Variants in FYN observed in about 807,000 individuals in gnomAD.
FYN encodes the protein FYN proto-oncogene, Src family tyrosine kinase, also known as tyrosine-protein kinase Fyn.
A neutral mutation model predicts 70.2 loss-of-function variants in FYN; 10 were observed. That is an observed-to-expected ratio of 0.14 (90% CI 0.09 to 0.24). The LOEUF is 0.24. Among genes scored for constraint, FYN ranks in the 10% least tolerant of loss-of-function variants. The pLI, the probability that FYN is intolerant of heterozygous loss-of-function variation, is 1.00. For missense variants in FYN, 319 were observed against 673.1 expected (o/e 0.47, Z 5.82); for synonymous variants, 236 against 248.6 (o/e 0.95, Z 0.48).
chr6:111,817,797 G>A (rs1772536949), intron 2 of FYN, among the ~76,000 whole-genome samples: 1 of 152,216 alleles, frequency 6.6e-6, no homozygotes, highest in Non-Finnish European at 1.5e-5. Context: ...GGTAATTATT[G>A]TTTTCAATCC....
At chr6:111,823,577 A>G (rs1450389533) in intron 2 of FYN, among the ~76,000 whole-genome samples, 4 of 152,186 alleles carry the variant, frequency 2.6e-5, no homozygotes, top group Non-Finnish European at 5.9e-5. Flanking sequence ...GATCTAAGGG[A>G]TAAAAATCAT....
intron 3 of FYN, among the ~76,000 whole-genome samples, chr6:111,734,657 TGAAGTTA>T (rs57829337): frequency 0.14 from 20,882 of 151,852 alleles, 2,932 homozygotes; most frequent in African/African-American, 0.36. Flanking sequence ...CTGCTGGAGA[TGAAGTTA>T]GAAGAAAACA....
chr6:111,801,164 C>T (rs1290396943), intron 2 of FYN, among the ~76,000 whole-genome samples: 4 of 152,122 alleles, frequency 2.6e-5, no homozygotes. Context: ...CTGTGTGCAC[C>T]GCTGGCGATG....
At chr6:111,796,481 G>A (rs920421003) in intron 2 of FYN, among the ~76,000 whole-genome samples, 3 of 152,196 alleles carry the variant, frequency 2.0e-5, no homozygotes, top group Non-Finnish European at 4.4e-5. Flanking sequence ...CTAGGTTTGT[G>A]TAAGTGTACT....
At chr6:111,839,180 C>G (rs996240967) in intron 2 of FYN, among the ~76,000 whole-genome samples, 29 of 152,128 alleles carry the variant, frequency 1.9e-4, no homozygotes, top group Admixed American at 1.9e-3. Flanking sequence ...GAAGAGTTTC[C>G]TCTGTACTAT....
At chr6:111,665,908 C>T (rs1704595262) in intron 13 of FYN, among the ~76,000 whole-genome samples, 1 of 152,014 alleles carries the variant, frequency 6.6e-6, no homozygotes, top group East Asian at 1.9e-4. Flanking sequence ...CAGGTGTGAG[C>T]CACCATGCCC....
At chr6:111,838,895 G>C (rs1235095422) in intron 2 of FYN, among the ~76,000 whole-genome samples, 1 of 152,092 alleles carries the variant, frequency 6.6e-6, no homozygotes, top group Non-Finnish European at 1.5e-5. Context: ...ACTCTGGGTG[G>C]GTATGGCTTT....
intron 8 of FYN, 43 bp downstream of exon 8, chr6:111,702,842 T>C: frequency 6.2e-7 from 1 of 1,600,072 alleles, no homozygotes; most frequent in Non-Finnish European, 8.5e-7. Flanking sequence ...ATCCACTCCC[T>C]CCAGCATCCA....
In FYN at chr6:111,848,526, T is replaced by C. The variant is rs537517137; in HGVS notation, c.-122-1897A>G. ...TACATATATACGGCATCATCCAATT[T>C]CTTTTTCAGGCTTACGAAACAGATG... On this transcript the variant is annotated intron_variant, in intron 1 of 13. Transcript: ENST00000354650. Among the ~76,000 whole-genome samples the C allele has an allele frequency of 2.0e-5, 3 of 152,330 alleles. No individual in the cohort carries two copies. The East Asian group carries it at 5.8e-4, about 29-fold the overall frequency.
In FYN at chr6:111,808,732, C is replaced by T. The variant is rs190660158; in HGVS notation, c.-81-28097G>A. Among the ~76,000 whole-genome samples, 16 of 152,298 alleles carry T rather than the reference C, an allele frequency of 1.1e-4. No homozygotes were observed. In the East Asian group the frequency reaches 1.9e-3, roughly 18 times the overall value. On this transcript the variant is annotated intron_variant, in intron 2 of 13. Transcript: ENST00000354650. ...ACCAGGGAGTGTCAAACCCTCACCA[C>T]CATCATCACACAGGACAGCAGCTAA...
At chr6:111,709,073 G>C (rs1800244049) in intron 5 of FYN, 1 of 152,092 alleles carries the variant, frequency 6.6e-6, no homozygotes, top group African/African-American at 2.4e-5. Flanking sequence ...TGCAGTCAAC[G>C]ACATGATTGC....
intron 4 of FYN, among the ~76,000 whole-genome samples, chr6:111,719,245 G>C (rs1359241617): frequency 6.6e-6 from 1 of 150,598 alleles, no homozygotes; most frequent in African/African-American, 2.4e-5. Flanking sequence ...CAAAGTATTA[G>C]CTAAGTCAGC....
At chr6:111,713,073 A>C (rs530874872) in intron 5 of FYN, among the ~76,000 whole-genome samples, 1 of 152,274 alleles carries the variant, frequency 6.6e-6, no homozygotes, top group South Asian at 2.1e-4. Context: ...TATATGTTTG[A>C]AAACCCTGTG....
intron 1 of FYN, among the ~76,000 whole-genome samples, chr6:111,847,720 C>T (rs1046360694): frequency 1.3e-5 from 2 of 152,118 alleles, no homozygotes; most frequent in Non-Finnish European, 2.9e-5. Flanking sequence ...TTAACAGTAA[C>T]ATCTTTGTTT....
rs1318071540 is a variant in FYN, at chr6:111,714,334, T to G, written c.344+13A>C. 1 of 1,585,460 alleles carries G rather than the reference T, an allele frequency of 6.3e-7. No individual in the cohort carries two copies. The highest frequency in any genetic ancestry group is 1.7e-5 in the Admixed American group (1 of 59,992). ...GAAAGGTATACATGCTTCTCCTCCCTCTCCAAACTTACGAGCTGTTCAATA... is the reference window on the plus strand; with the variant it reads ...GAAAGGTATACATGCTTCTCCTCCCGCTCCAAACTTACGAGCTGTTCAATA... On this transcript the variant is annotated intron_variant, in intron 5 of 13. Transcript: ENST00000354650.
chr6:111,674,836 C>A (rs947883365), intron 12 of FYN, among the ~76,000 whole-genome samples: 1 of 152,076 alleles, frequency 6.6e-6, no homozygotes, highest in African/African-American at 2.4e-5. Flanking sequence ...CAGCTCAAAG[C>A]ACCTTAGTAC....
chr6:111,698,063 T>C (rs181810272), intron 9 of FYN, among the ~76,000 whole-genome samples: 87 of 152,358 alleles, frequency 5.7e-4, no homozygotes, highest in African/African-American at 2.0e-3. Flanking sequence ...CATACCTACA[T>C]ACATCTTTGT....
At position 111,720,059 on chromosome 6, in the gene FYN, A is replaced by C; in HGVS notation, c.-8T>G. ...ACATTGCACACAGCCCATTATCTAA[A>C]TTCCTGCCAAAGACAAAAAAGGGGG... On this transcript the variant is annotated 5_prime_UTR_variant, in exon 4 of 14. Transcript: ENST00000354650. 6.3e-7 allele frequency: 1 copy of C among 1,580,494 alleles called. No homozygotes were observed. The highest frequency in any genetic ancestry group is 8.6e-7 in the Non-Finnish European group (1 of 1,158,216).
intron 9 of FYN, among the ~76,000 whole-genome samples, chr6:111,697,481 T>C (rs1325072695): frequency 6.6e-6 from 1 of 152,230 alleles, no homozygotes; most frequent in Admixed American, 6.5e-5. Context: ...ATTCTGTAAA[T>C]TGGAGTTCTT....
Sources: allele counts gnomAD v4.1 joint callset (sites outside exome capture counted in the v4.1 genomes callset), GRCh38; gene constraint gnomAD v4.1.1; transcripts MANE v1.5; gene names NCBI Gene and HGNC (gene_info 2026-07-23, HGNC 2026-07-21).